TMEM74: variants seen among roughly 807,000 people sequenced by gnomAD.
TMEM74 encodes the protein transmembrane protein 74.
A neutral mutation model predicts 18.1 loss-of-function variants in TMEM74; 13 were observed. That is an observed-to-expected ratio of 0.72 (90% CI 0.47 to 1.14). The LOEUF is 1.14. Among genes scored for constraint, TMEM74 ranks in the 50% most tolerant of loss-of-function variants. The pLI is 0.00. For synonymous variants in TMEM74, 159 were observed against 146.6 expected, an observed-to-expected ratio of 1.08 and a Z score of -0.61; for missense variants, 372 against 375.9, an observed-to-expected ratio of 0.99 and a Z score of 0.09.
chr8:108,784,007 A>G lies in TMEM74; in HGVS notation c.*174T>C, dbSNP rs1814341992. 13 of 540,718 alleles carry G rather than the reference A, an allele frequency of 2.4e-5. No homozygotes were observed. In the South Asian group the frequency reaches 2.7e-4, roughly 11 times the overall value. The allele number at this position is 540,718 out of a possible 1,614,324, so 33.5% of individuals were successfully genotyped here. A position where few individuals can be genotyped will look rare whatever the true frequency, so the allele number is the denominator to read the frequency against. On this transcript the variant is annotated 3_prime_UTR_variant, in exon 2 of 2. Coordinates refer to ENST00000297459, the MANE Select transcript of TMEM74 (RefSeq NM_153015.3). Reference sequence around the variant, plus strand: ...GGTTGTGGTTTCTTATACATCTTACATGGCTTTTCTTCTAAATAGAAGACA... The same window carrying G: ...GGTTGTGGTTTCTTATACATCTTACGTGGCTTTTCTTCTAAATAGAAGACA...
intron 1 of TMEM74, among the ~76,000 whole-genome samples, chr8:108,755,628 C>T (rs928575755): frequency 1.6e-4 from 25 of 152,100 alleles, no homozygotes; most frequent in African/African-American, 5.8e-4. Flanking sequence ...ATCAATCTCA[C>T]CTTTACATTT....
chr8:108,644,480 C>T (rs1040038763), intron 2 of TMEM74, among the ~76,000 whole-genome samples: 2 of 151,990 alleles, frequency 1.3e-5, no homozygotes, highest in African/African-American at 4.8e-5. Flanking sequence ...GCAATTGCAC[C>T]GAAACCAAAA....
At chr8:108,649,625 A>G (rs934392205) in intron 2 of TMEM74, among the ~76,000 whole-genome samples, 1 of 152,194 alleles carries the variant, frequency 6.6e-6, no homozygotes, top group Admixed American at 6.5e-5. Context: ...AACCGCAATT[A>G]CTTTTCACCA....
downstream of TMEM74, among the ~76,000 whole-genome samples, chr8:108,776,385 G>A (rs992777775): frequency 6.6e-6 from 1 of 152,150 alleles, no homozygotes; most frequent in Non-Finnish European, 1.5e-5. Flanking sequence ...CCCAGCTACT[G>A]GGGAGGCTGA....
In TMEM74 at chr8:108,611,306, T is replaced by G. The variant is rs540276684; in HGVS notation, n.265-2480A>C. ...AGTTTAAATAAACTTAGATAAAGAC[T>G]TTATAGGAGACATTAAGAACAATAA... On this transcript the variant is annotated intron_variant and non_coding_transcript_variant, in intron 2 of 3. Transcript: ENST00000518838. Among the ~76,000 whole-genome samples the G allele has an allele frequency of 5.9e-5, 9 of 152,276 alleles. No homozygotes were observed. The East Asian group carries it at 1.7e-3, about 29-fold the overall frequency.
chr8:108,683,801 C>A (rs1292797448), intron 1 of TMEM74, among the ~76,000 whole-genome samples: 3 of 151,988 alleles, frequency 2.0e-5, no homozygotes, highest in African/African-American at 7.2e-5. Context: ...CTACTCTTTA[C>A]TTCTATGATA....
At chr8:108,609,290 C>A (rs1812310156) in intron 2 of TMEM74, among the ~76,000 whole-genome samples, 1 of 152,034 alleles carries the variant, frequency 6.6e-6, no homozygotes, top group Non-Finnish European at 1.5e-5. Context: ...AGGAGAGAAG[C>A]AGCTGAACCT....
intron 1 of TMEM74, among the ~76,000 whole-genome samples, chr8:108,720,575 A>G (rs1813576534): frequency 6.6e-6 from 1 of 152,204 alleles, no homozygotes; most frequent in African/African-American, 2.4e-5. Context: ...GTAAATTCAA[A>G]CAAATTAGGT....
At chr8:108,773,624 C>T (rs1009540054) in intron 1 of TMEM74, among the ~76,000 whole-genome samples, 1 of 152,102 alleles carries the variant, frequency 6.6e-6, no homozygotes, top group African/African-American at 2.4e-5. Flanking sequence ...GCCATAAAAT[C>T]CTTTGCAGCT....
chr8:108,626,734 C>T (rs1190625837), intron 2 of TMEM74: 1 of 151,948 alleles, frequency 6.6e-6, no homozygotes, highest in Non-Finnish European at 1.5e-5. Flanking sequence ...GAAATGTATG[C>T]TATAAAAATT....
chr8:108,662,324 TA>T (rs1407535089), intron 1 of TMEM74, among the ~76,000 whole-genome samples: 1 of 151,358 alleles, frequency 6.6e-6, no homozygotes, highest in African/African-American at 2.4e-5. Flanking sequence ...AACAAACAGA[TA>T]GGCAGTGAGG....
intron 1 of TMEM74, among the ~76,000 whole-genome samples, chr8:108,697,128 C>T (rs929561586): frequency 2.0e-5 from 3 of 152,124 alleles, no homozygotes; most frequent in Admixed American, 6.5e-5. Flanking sequence ...GACCAGGCCA[C>T]GGTGATCTTC....
chr8:108,752,866 C>G (rs972597326), intron 1 of TMEM74, among the ~76,000 whole-genome samples: 1 of 152,048 alleles, frequency 6.6e-6, no homozygotes, highest in Non-Finnish European at 1.5e-5. Context: ...GTCAGTATAA[C>G]CAGTTCACTG....
rs73702116 is a variant in TMEM74 at position 108,632,911 on chromosome 8, T to C, written n.264+22382A>G. The stretch of plus-strand genomic sequence containing the variant: ...GTAGAACATGTTCTTCTAGTTTGCA[T>C]GAGTAAAATTTAAGATTGGTTCATT... On this transcript the variant is annotated intron_variant and non_coding_transcript_variant, in intron 2 of 3. Coordinates refer to the TMEM74 transcript ENST00000518838. Among the ~76,000 whole-genome samples the C allele has an allele frequency of 3.0e-3, 461 of 152,118 alleles. 1 individual carries two copies. The highest frequency in any genetic ancestry group is 0.01 in the African/African-American group (436 of 41,536).
Position 108,719,294 on chromosome 8 carries a change from T to C in TMEM74, n.120-63857A>G, listed in dbSNP as rs188586954. Among the ~76,000 whole-genome samples the C allele has an allele frequency of 1.4e-4, 22 of 152,258 alleles. No individual in the cohort carries two copies. In the East Asian group the frequency reaches 3.3e-3, roughly 23 times the overall value. On this transcript the variant is annotated intron_variant and non_coding_transcript_variant, in intron 1 of 3. Coordinates refer to the TMEM74 transcript ENST00000518838. ...AGATGCATTATCATGATTAACTACC[T>C]ATTTTGTTAATATTTTTAAAATTAA...
intron 1 of TMEM74, among the ~76,000 whole-genome samples, chr8:108,744,474 G>T (rs1383837055): frequency 1.3e-5 from 2 of 152,106 alleles, no homozygotes; most frequent in African/African-American, 4.8e-5. Flanking sequence ...TCCTTAAAGG[G>T]GGAAAGGCAG....
At chr8:108,734,549 G>A (rs910751216) in intron 1 of TMEM74, among the ~76,000 whole-genome samples, 6 of 151,888 alleles carry the variant, frequency 4.0e-5, no homozygotes, top group African/African-American at 7.3e-5. Context: ...TCGCTAAATC[G>A]TCATCTCTAT....
In TMEM74 at chr8:108,749,165, G is replaced by T. The variant is rs67243023; in HGVS notation, n.119+38311C>A. 8.9e-3 allele frequency among the ~76,000 whole-genome samples: 516 copies of T among 58,166 alleles called. 4 individuals carry two copies. Among genetic ancestry groups the T allele is most frequent in the African/African-American group, 0.044 (475 of 10,698 alleles). The allele number at this position is 58,166 out of a possible 152,430, so 38.2% of individuals were successfully genotyped here. A position where few individuals can be genotyped will look rare whatever the true frequency, so the allele number is the denominator to read the frequency against. Reference sequence around the variant, plus strand: ...CCATGTGAATTTTAAAATAGTTGTTGTTTTTTTTTCTAATTCTGTGAAGAA... The same window carrying T: ...CCATGTGAATTTTAAAATAGTTGTTTTTTTTTTTTCTAATTCTGTGAAGAA... On this transcript the variant is annotated intron_variant and non_coding_transcript_variant, in intron 1 of 3. Coordinates refer to the TMEM74 transcript ENST00000518838.
At chr8:108,635,107 C>T (rs3019390) in intron 2 of TMEM74, among the ~76,000 whole-genome samples, 33,269 of 151,822 alleles carry the variant, frequency 0.22, 3,667 homozygotes, top group East Asian at 0.27. Flanking sequence ...CTTCCCTACT[C>T]AAGTGGCCTC....
Sources: gnomAD v4.1 joint callset for allele counts (sites outside exome capture counted in the v4.1 genomes callset) on GRCh38, gnomAD v4.1.1 for gene constraint, MANE v1.5 for transcripts, NCBI Gene and HGNC (gene_info 2026-07-23, HGNC 2026-07-21) for gene names.